The following MYO1B variants were observed in gnomAD, a reference collection of about 807,000 sequenced individuals.
MYO1B encodes the protein myosin IB, also known as unconventional myosin-Ib.
In MYO1B, 72 loss-of-function variants were observed where a neutral mutation model predicts 159.7. That is an observed-to-expected ratio of 0.45 (90% CI 0.37 to 0.55). The LOEUF (loss-of-function observed/expected upper bound fraction) is 0.55. MYO1B is among the 20% of genes least tolerant of loss of function. The pLI is 0.00. For missense variants in MYO1B, 1,062 were observed against 1,364.8 expected (o/e 0.78, Z 3.50); for synonymous variants, 468 against 473.8 (o/e 0.99, Z 0.16).
chr2:191,251,542 C>T (rs1232117874), intron 1 of MYO1B, among the ~76,000 whole-genome samples: 1 of 152,186 alleles, frequency 6.6e-6, no homozygotes, highest in African/African-American at 2.4e-5. Context: ...AAATCTCTGC[C>T]TTCCGGGGAC....
At chr2:191,297,699 G>T (rs990043954) in intron 3 of MYO1B, among the ~76,000 whole-genome samples, 2 of 152,166 alleles carry the variant, frequency 1.3e-5, no homozygotes, top group African/African-American at 4.8e-5. Flanking sequence ...ATTTGAAAAT[G>T]GTTAAGCTGG....
intron 1 of MYO1B, among the ~76,000 whole-genome samples, chr2:191,268,028 G>A (rs1687242937): frequency 6.6e-6 from 1 of 152,198 alleles, no homozygotes; most frequent in Admixed American, 6.5e-5. Context: ...TAGGCATGGG[G>A]CTTGTGCACA....
chr2:191,393,680 GT>G (rs1695902392), intron 20 of MYO1B, among the ~76,000 whole-genome samples: 1 of 152,174 alleles, frequency 6.6e-6, no homozygotes, highest in Non-Finnish European at 1.5e-5. Context: ...CTAATGCCAT[GT>G]TTTTGTAGAT....
intron 5 of MYO1B, among the ~76,000 whole-genome samples, chr2:191,345,570 A>G (rs1692516032): frequency 2.0e-5 from 3 of 152,208 alleles, no homozygotes; most frequent in African/African-American, 7.2e-5. Flanking sequence ...GGAAACAGCT[A>G]AGATTGGAAC....
At chr2:191,293,097 C>T (rs1377053672) in intron 2 of MYO1B, among the ~76,000 whole-genome samples, 1 of 152,224 alleles carries the variant, frequency 6.6e-6, no homozygotes, top group Non-Finnish European at 1.5e-5. Flanking sequence ...CTTCCAGCCA[C>T]AGTCATAAAA....
intron 1 of MYO1B, among the ~76,000 whole-genome samples, chr2:191,275,516 G>C (rs1295199700): frequency 6.6e-6 from 1 of 152,246 alleles, no homozygotes; most frequent in South Asian, 2.1e-4. Flanking sequence ...TGTAGTTTCT[G>C]CTGCTTCTAC....
chr2:191,315,755 T>C (rs1433564274), intron 3 of MYO1B, among the ~76,000 whole-genome samples: 2 of 152,252 alleles, frequency 1.3e-5, no homozygotes, highest in Non-Finnish European at 2.9e-5. Context: ...ATTCTCATGT[T>C]ACTAAGTGGA....
chr2:191,301,071 A>G (rs1157055891), intron 3 of MYO1B, among the ~76,000 whole-genome samples: 1 of 151,956 alleles, frequency 6.6e-6, no homozygotes, highest in East Asian at 1.9e-4. Context: ...CCTTCTCTGA[A>G]CTGTCCCCGT....
intron 3 of MYO1B, among the ~76,000 whole-genome samples, chr2:191,299,874 G>T (rs756922687): frequency 6.6e-6 from 1 of 152,208 alleles, no homozygotes; most frequent in Non-Finnish European, 1.5e-5. Flanking sequence ...GATCTAATAC[G>T]TATAAGGTGC....
At chr2:191,411,994 A>C (rs1008992593) in intron 27 of MYO1B, among the ~76,000 whole-genome samples, 7 of 152,252 alleles carry the variant, frequency 4.6e-5, no homozygotes, top group African/African-American at 1.7e-4. Context: ...TATTACGTAA[A>C]TTATGTTTAT....
chr2:191,420,493 C>G (rs1697871098), intron 30 of MYO1B, among the ~76,000 whole-genome samples: 1 of 152,162 alleles, frequency 6.6e-6, no homozygotes, highest in African/African-American at 2.4e-5. Context: ...ACTAAGTTTA[C>G]ACATACAAAT....
intron 3 of MYO1B, among the ~76,000 whole-genome samples, chr2:191,328,753 A>G (rs182935306): frequency 6.6e-6 from 1 of 152,252 alleles, no homozygotes; most frequent in Non-Finnish European, 1.5e-5. Context: ...CGAACTGCAC[A>G]TAATCCTTCA....
chr2:191,357,376 C>T (rs1017169950), intron 7 of MYO1B, among the ~76,000 whole-genome samples: 4 of 152,122 alleles, frequency 2.6e-5, no homozygotes, highest in Non-Finnish European at 4.4e-5. Context: ...GTGGCGGCAG[C>T]GCAGTGGGGC....
At chr2:191,349,235 A>G (rs1692762988) in intron 6 of MYO1B, among the ~76,000 whole-genome samples, 1 of 152,198 alleles carries the variant, frequency 6.6e-6, no homozygotes. Flanking sequence ...ATAAGTGCAG[A>G]CCTAAAAGGG....
intron 24 of MYO1B, among the ~76,000 whole-genome samples, chr2:191,406,126 A>G (rs936291066): frequency 6.6e-6 from 1 of 152,170 alleles, no homozygotes; most frequent in African/African-American, 2.4e-5. Flanking sequence ...ACCTTCATGA[A>G]AAGTTAATAA....
intron 7 of MYO1B, among the ~76,000 whole-genome samples, chr2:191,351,919 TA>T (rs1284600333): frequency 6.6e-6 from 1 of 152,216 alleles, no homozygotes; most frequent in African/African-American, 2.4e-5. Context: ...GTTTCCATTT[TA>T]GTTTGCCCAC....
intron 7 of MYO1B, among the ~76,000 whole-genome samples, chr2:191,353,164 G>T (rs1481802620): frequency 6.6e-6 from 1 of 152,124 alleles, no homozygotes; most frequent in Non-Finnish European, 1.5e-5. Flanking sequence ...TAAAATAGAA[G>T]ATGGTAAAAC....
chr2:191,408,268 C>A (rs1697050161), intron 25 of MYO1B, 79 bp downstream of exon 25: 3 of 999,580 alleles, frequency 3.0e-6, no homozygotes, highest in African/African-American at 3.3e-5. Flanking sequence ...ATAAAATGTG[C>A]CTTTTCCTAA....
At chr2:191,422,041 G>A (rs1697972389) in intron 30 of MYO1B, among the ~76,000 whole-genome samples, 1 of 152,148 alleles carries the variant, frequency 6.6e-6, no homozygotes. Context: ...TTTCATTCTA[G>A]CAGATAATGT....
Sources: gnomAD v4.1 joint callset for allele counts (sites outside exome capture counted in the v4.1 genomes callset) on GRCh38, gnomAD v4.1.1 for gene constraint, MANE v1.5 for transcripts, NCBI Gene and HGNC (gene_info 2026-07-23, HGNC 2026-07-21) for gene names.